The following MAPKAPK5 variants were observed in gnomAD, a reference collection of about 807,000 sequenced individuals.
The protein encoded by MAPKAPK5 is MAPK activated protein kinase 5.
In MAPKAPK5, 30 loss-of-function variants were observed where a neutral mutation model predicts 65.1. The observed-to-expected ratio is 0.46, with a 90% CI of 0.34 to 0.63. MAPKAPK5 has a LOEUF of 0.63. Ranked by LOEUF, MAPKAPK5 falls within the 20% of genes least tolerant of loss-of-function variation. MAPKAPK5 has a pLI of 0.01. For synonymous variants in MAPKAPK5, 179 were observed against 204.6 expected (o/e 0.87, Z 1.07); for missense variants, 433 against 581.4 (o/e 0.74, Z 2.63).
chr12:111,889,094 G>A, intron 12 of MAPKAPK5, 94 bp downstream of exon 12: 17 of 1,373,844 alleles, frequency 1.2e-5, no homozygotes, highest in Non-Finnish European at 1.6e-5. Flanking sequence ...CAAAAGGAAT[G>A]GTTTAATTTT....
At position 111,885,791 on chromosome 12, in the gene MAPKAPK5, A is replaced by C. The variant is rs924835218; in HGVS notation, c.849-125A>C. 7.5e-6 allele frequency: 9 copies of C among 1,196,572 alleles called. No individual in the cohort carries two copies. In the African/African-American group the frequency reaches 1.4e-4, roughly 18 times the overall value. The allele number at this position is 1,196,572 out of a possible 1,614,324, so 74.1% of individuals were successfully genotyped here. The stretch of plus-strand genomic sequence containing the variant: ...GACTAGAATCCCATCTGTGCTCTGC[A>C]GGTGGAAAGCCCAGGCTTGCAGAAG... On this transcript the variant is annotated intron_variant, in intron 9 of 13. Transcript: ENST00000550735.
intron 9 of MAPKAPK5, 76 bp from the exon 10 acceptor site, chr12:111,885,840 G>A (rs150442599): frequency 6.3e-7 from 1 of 1,595,996 alleles, no homozygotes; most frequent in African/African-American, 1.3e-5. Flanking sequence ...GAACTGTTTA[G>A]AGCCAGGTCC....
intron 1 of MAPKAPK5, among the ~76,000 whole-genome samples, chr12:111,852,855 C>T (rs1046309060): frequency 7.2e-5 from 11 of 152,190 alleles, no homozygotes; most frequent in Admixed American, 1.3e-4. Flanking sequence ...CTGACGGCAA[C>T]CTCTGCCTCC....
At chr12:111,850,398 A>G (rs12322899) in intron 1 of MAPKAPK5, among the ~76,000 whole-genome samples, 29,747 of 152,158 alleles carry the variant, frequency 0.2, 3,123 homozygotes, top group Middle Eastern at 0.27. Context: ...GAAAGGCATA[A>G]CTATAGACTC....
chr12:111,881,725 C>T (rs964712323), intron 8 of MAPKAPK5, among the ~76,000 whole-genome samples: 4 of 152,074 alleles, frequency 2.6e-5, no homozygotes, highest in Non-Finnish European at 5.9e-5. Context: ...TGTTCTAAAG[C>T]ACAAGAGGTT....
In MAPKAPK5 at chr12:111,893,068, C is replaced by A; in HGVS notation, c.*7C>A. ...GTCCCACGAATCCCAATAATGACAG[C>A]TTCAGACTTTGTTTTTTTAACAATT... On this transcript the variant is annotated 3_prime_UTR_variant, in exon 14 of 14. Coordinates refer to ENST00000550735, the MANE Select transcript of MAPKAPK5 (RefSeq NM_003668.4). 4 of 1,541,896 alleles carry A rather than the reference C, an allele frequency of 2.6e-6. No individual in the cohort carries two copies. Among genetic ancestry groups the A allele is most frequent in the Non-Finnish European group, 3.5e-6 (4 of 1,144,992 alleles).
chr12:111,878,811 A>G lies in MAPKAPK5; in HGVS notation c.580-1636A>G, dbSNP rs148850920. ...CGGCATTGCTTTTGAGCCTTTGTCA[A>G]AAATCATGGAGCATATATGTGTGAA... On this transcript the variant is annotated intron_variant, in intron 7 of 13. Transcript: ENST00000550735. Among the ~76,000 whole-genome samples, 343 of 152,266 alleles carry G rather than the reference A, an allele frequency of 2.3e-3. 1 individual carries two copies. The highest frequency in any genetic ancestry group is 7.4e-3 in the African/African-American group (308 of 41,532).
chr12:111,850,892 C>G (rs1859882396), intron 1 of MAPKAPK5, among the ~76,000 whole-genome samples: 2 of 147,264 alleles, frequency 1.4e-5, no homozygotes, highest in South Asian at 4.3e-4. Context: ...TAATGAGAAC[C>G]CATTTTCTTT....
intron 1 of MAPKAPK5, among the ~76,000 whole-genome samples, chr12:111,847,160 T>G (rs1486332456): frequency 2.0e-5 from 3 of 151,396 alleles, no homozygotes; most frequent in African/African-American, 7.3e-5. Context: ...TGGCCAACAT[T>G]GTGAAACCCC....
In MAPKAPK5 at chr12:111,901,586, C is replaced by A. The variant is rs2071062830; in HGVS notation, c.*8525C>A. ...AGAAGCTCCTCCAGCAGTGGCTCCA[C>A]CACCGGCCCCAGAAATAAAGCCAGA... On this transcript the variant is annotated 3_prime_UTR_variant, in exon 14 of 14. Transcript: ENST00000550735. 1 of 302,004 alleles carries A rather than the reference C, an allele frequency of 3.3e-6. No individual in the cohort carries two copies. Among genetic ancestry groups the A allele is most frequent in the Non-Finnish European group, 6.5e-6 (1 of 154,532 alleles). The allele number at this position is 302,004 out of a possible 1,614,324, so 18.7% of individuals were successfully genotyped here. A position where few individuals can be genotyped will look rare whatever the true frequency, so the allele number is the denominator to read the frequency against.
rs2071076210 is a variant in MAPKAPK5 at position 111,901,825 on chromosome 12, T to TAGAA, written c.*8765_*8768dup. The TAGAA allele has an allele frequency of 6.4e-6, 1 of 156,462 alleles. No homozygotes were observed. Among genetic ancestry groups the TAGAA allele is most frequent in the Admixed American group, 6.2e-5 (1 of 16,026 alleles). 9.7% of individuals were successfully genotyped at this position (156,462 alleles called of 1,614,324 possible). Reference sequence around the variant, plus strand: ...TGGCTCTGACTCAGATATACTGATGTAGAAGGAAGGATTCTTTCACTTTTA... The same window carrying TAGAA: ...TGGCTCTGACTCAGATATACTGATGTAGAAAGAAGGAAGGATTCTTTCACTTTTA... On this transcript the variant is annotated 3_prime_UTR_variant, in exon 14 of 14. Coordinates refer to ENST00000550735, the MANE Select transcript of MAPKAPK5 (RefSeq NM_003668.4).
In MAPKAPK5 at chr12:111,901,321, G is replaced by A. The variant is rs1288344456; in HGVS notation, c.*8260G>A. ...TTAGGGCACTGCCACTGTAATGAAG[G>A]GCATGCCCCCCCTGACTGTGTTACT... is the stretch of plus-strand genomic sequence containing the variant. On this transcript the variant is annotated 3_prime_UTR_variant, in exon 14 of 14. Transcript: ENST00000550735. 1 of 455,894 alleles carries A rather than the reference G, an allele frequency of 2.2e-6. No individual in the cohort carries two copies. Among genetic ancestry groups the A allele is most frequent in the Admixed American group, 2.4e-5 (1 of 42,548 alleles). The allele number at this position is 455,894 out of a possible 1,614,324, so 28.2% of individuals were successfully genotyped here.
chr12:111,900,983 C>T lies in MAPKAPK5; in HGVS notation c.*7922C>T. 1 of 456,068 alleles carries T rather than the reference C, an allele frequency of 2.2e-6. No homozygotes were observed. Among genetic ancestry groups the T allele is most frequent in the South Asian group, 1.5e-5 (1 of 64,564 alleles). The allele number at this position is 456,068 out of a possible 1,614,324, so 28.3% of individuals were successfully genotyped here. On this transcript the variant is annotated 3_prime_UTR_variant, in exon 14 of 14. Transcript: ENST00000550735. ...AATTTGGAAACTGTGGCATTTCTAC[C>T]AGTCCTGGGTCACAATATGTTCGGT...
At chr12:111,882,906 C>T (rs1419935931) in intron 8 of MAPKAPK5, 3 of 926,264 alleles carry the variant, frequency 3.2e-6, no homozygotes, top group Middle Eastern at 5.5e-4. Context: ...GTTTCACAAC[C>T]AGCTGGTTTA....
At chr12:111,853,677 GGTGC>G (rs1320657382) in intron 1 of MAPKAPK5, among the ~76,000 whole-genome samples, 1 of 152,118 alleles carries the variant, frequency 6.6e-6, no homozygotes, top group Non-Finnish European at 1.5e-5. Context: ...TGGGATGACA[GGTGC>G]CTGCCACCAC....
chr12:111,886,354 G>A (rs1024124256), intron 10 of MAPKAPK5, among the ~76,000 whole-genome samples: 2 of 152,200 alleles, frequency 1.3e-5, no homozygotes, highest in African/African-American at 4.8e-5. Flanking sequence ...TGGCTGGGAA[G>A]GCAAGGCCAA....
In MAPKAPK5 at chr12:111,897,396, A is replaced by G. The variant is rs1300339221; in HGVS notation, c.*4335A>G. On this transcript the variant is annotated 3_prime_UTR_variant, in exon 14 of 14. Transcript: ENST00000550735. ...TGTGTGGGTATGTGTATGTGCATGT[A>G]TTTATTGAAGAAAATAAGTTTCAAT... is the stretch of plus-strand genomic sequence containing the variant. The G allele has an allele frequency of 6.6e-6, 1 of 152,206 alleles. No individual in the cohort carries two copies. 9.4% of individuals were successfully genotyped at this position (152,206 alleles called of 1,614,324 possible). A position where few individuals can be genotyped will look rare whatever the true frequency, so the allele number is the denominator to read the frequency against.
chr12:111,883,461 T>G lies in MAPKAPK5; in HGVS notation c.661-120T>G, dbSNP rs2070305603. 2 of 754,956 alleles carry G rather than the reference T, an allele frequency of 2.6e-6. No individual in the cohort carries two copies. The highest frequency in any genetic ancestry group is 4.4e-6 in the Non-Finnish European group (2 of 455,330). The allele number at this position is 754,956 out of a possible 1,614,324, so 46.8% of individuals were successfully genotyped here. A position where few individuals can be genotyped will look rare whatever the true frequency, so the allele number is the denominator to read the frequency against. On this transcript the variant is annotated intron_variant, in intron 8 of 13. Transcript: ENST00000550735. The surrounding 1 kb of genome is among the most constrained non-coding windows in gnomAD (Gnocchi z 4.8). ...TTCCTTCAGCTTTCCTAGTCTCTGT[T>G]AAGTGACTCTAGTTTATATCAGCCT...
intron 4 of MAPKAPK5, among the ~76,000 whole-genome samples, chr12:111,867,997 A>C (rs888009861): frequency 6.6e-6 from 1 of 152,226 alleles, no homozygotes; most frequent in African/African-American, 2.4e-5. Context: ...ATTTCAAGAA[A>C]GCATTTAATG....
Sources: allele counts gnomAD v4.1 joint callset (sites outside exome capture counted in the v4.1 genomes callset), GRCh38; gene constraint gnomAD v4.1.1; non-coding constraint Gnocchi (gnomAD v3.1); transcripts MANE v1.5; gene names NCBI Gene and HGNC (gene_info 2026-07-23, HGNC 2026-07-21).